FBRSL1: variants seen among roughly 807,000 people sequenced by gnomAD.
FBRSL1 encodes the protein fibrosin like 1.
A neutral mutation model predicts 89.6 loss-of-function variants in FBRSL1; 51 were observed. The observed-to-expected ratio is 0.57, with a 90% CI of 0.45 to 0.72. The LOEUF (loss-of-function observed/expected upper bound fraction) is 0.72, where lower values mean the gene tolerates loss of function less well. FBRSL1 is among the 30% of genes least tolerant of loss of function. FBRSL1 has a pLI of 0.00. For missense variants in FBRSL1, 1,618 were observed against 1,451.8 expected (o/e 1.11, Z -1.86); for synonymous variants, 779 against 681.1 (o/e 1.14, Z -2.24).
chr12:132,522,347 G>C (rs1378432768), intron 2 of FBRSL1, among the ~76,000 whole-genome samples: 3 of 152,146 alleles, frequency 2.0e-5, no homozygotes, highest in African/African-American at 7.2e-5. Flanking sequence ...CCTGGAGCTG[G>C]GGGACGGTGT....
In FBRSL1 at chr12:132,526,018, G is replaced by A. The variant is rs576812457; in HGVS notation, c.579+195G>A. On this transcript the variant is annotated intron_variant, in intron 3 of 18. Transcript: ENST00000680143. Reference sequence around the variant, plus strand: ...TCCAGGAAGCCGCTGGTTAGGGTCCGGTTTCCCACCAAGGCTTTGTCTTAG... The same window carrying A: ...TCCAGGAAGCCGCTGGTTAGGGTCCAGTTTCCCACCAAGGCTTTGTCTTAG... 4.3e-4 allele frequency among the ~76,000 whole-genome samples: 66 copies of A among 152,382 alleles called. No homozygotes were observed. The East Asian group carries it at 5.2e-3, about 12-fold the overall frequency.
Position 132,576,946 on chromosome 12 carries a change from G to A in FBRSL1, c.1834+15G>A, listed in dbSNP as rs1156887088. The A allele has an allele frequency of 1.8e-5, 27 of 1,542,416 alleles. No individual in the cohort carries two copies. Among genetic ancestry groups the A allele is most frequent in the African/African-American group, 5.5e-5 (4 of 72,770 alleles). ...CCCCAGCACAGGTGAGACTGGAGTC[G>A]GGCCAGGTGGGGGGCACAGAAACCT... On this transcript the variant is annotated intron_variant, in intron 15 of 18. Coordinates refer to ENST00000680143, the MANE Select transcript of FBRSL1 (RefSeq NM_001367871.1).
At chr12:132,548,813 C>T (rs2037909136) in intron 5 of FBRSL1, among the ~76,000 whole-genome samples, 1 of 152,204 alleles carries the variant, frequency 6.6e-6, no homozygotes, top group South Asian at 2.1e-4. Flanking sequence ...CCAGATGTGC[C>T]AGGGGAATGG....
At chr12:132,528,031 G>A (rs750112402) in intron 4 of FBRSL1, 43 bp downstream of exon 4, 279 of 1,528,948 alleles carry the variant, frequency 1.8e-4, no homozygotes, top group Admixed American at 1.1e-3. Flanking sequence ...TCCCCCTGGG[G>A]CCTTAGGACC....
intron 5 of FBRSL1, chr12:132,554,352 C>T (rs2038437695): frequency 6.6e-6 from 1 of 152,210 alleles, no homozygotes; most frequent in Non-Finnish European, 1.5e-5. Flanking sequence ...CTGGGGGCGT[C>T]ACTGCAGGGC....
intron 1 of FBRSL1, among the ~76,000 whole-genome samples, chr12:132,503,230 G>C (rs934960896): frequency 1.3e-5 from 2 of 151,230 alleles, no homozygotes; most frequent in African/African-American, 4.9e-5. Flanking sequence ...CCATGCTTTT[G>C]GTGGTCCTGC....
At chr12:132,497,763 G>C (rs11612819) in intron 1 of FBRSL1, among the ~76,000 whole-genome samples, 40,995 of 152,110 alleles carry the variant, frequency 0.27, 5,772 homozygotes, top group Non-Finnish European at 0.3. Flanking sequence ...TTAGTGGCCC[G>C]GGGTCAGGCC....
chr12:132,530,600 TC>T (rs1048703574), intron 4 of FBRSL1, among the ~76,000 whole-genome samples: 2 of 151,812 alleles, frequency 1.3e-5, no homozygotes, highest in African/African-American at 2.4e-5. Flanking sequence ...CACTCATTAT[TC>T]AAGTCTTCTC....
intron 5 of FBRSL1, among the ~76,000 whole-genome samples, chr12:132,557,620 T>G (rs1469661492): frequency 6.6e-6 from 1 of 152,230 alleles, no homozygotes; most frequent in Non-Finnish European, 1.5e-5. Flanking sequence ...GCCTCGTTTG[T>G]GGCAGGAAGA....
chr12:132,576,771 G>T, intron 14 of FBRSL1, 28 bp from the exon 15 acceptor site: 1 of 1,543,640 alleles, frequency 6.5e-7, no homozygotes. Flanking sequence ...CCCCGGGCAG[G>T]CGGCCCTCAC....
At chr12:132,573,746 C>T (rs2040200699) in intron 11 of FBRSL1, among the ~76,000 whole-genome samples, 1 of 152,156 alleles carries the variant, frequency 6.6e-6, no homozygotes, top group South Asian at 2.1e-4. Context: ...CGACCATCTC[C>T]CCTTGGCCCA....
intron 9 of FBRSL1, chr12:132,572,034 GACTGCCTGGGGGGGCCGAGTTCCC>G (rs2040054990): frequency 1.8e-6 from 1 of 556,888 alleles, no homozygotes; most frequent in Admixed American, 3.3e-5. Context: ...CAGGCACACA[GACTGCCTGGGGGGGCCGAGTTCCC>G]ACCCCATGCA....
chr12:132,576,768 C>G, intron 14 of FBRSL1, 31 bp from the exon 15 acceptor site: 1 of 1,542,196 alleles, frequency 6.5e-7, no homozygotes, highest in Admixed American at 2.0e-5. Flanking sequence ...AGTCCCCGGG[C>G]AGGCGGCCCT....
In FBRSL1 at chr12:132,581,835, C is replaced by T. The variant is rs1261462213; in HGVS notation, c.1996+11C>T. On this transcript the variant is annotated intron_variant, in intron 17 of 18. Coordinates refer to ENST00000680143, the MANE Select transcript of FBRSL1 (RefSeq NM_001367871.1). ...GCAGCCATGCACTGGGTGAGTGACCCAGCCTGTGCCCCCCTCCCCCGATGC... is the reference window on the plus strand; with the variant it reads ...GCAGCCATGCACTGGGTGAGTGACCTAGCCTGTGCCCCCCTCCCCCGATGC... 6.5e-7 allele frequency: 1 copy of T among 1,533,412 alleles called. No individual in the cohort carries two copies. 95.0% of individuals were successfully genotyped at this position (1,533,412 alleles called of 1,614,324 possible). A position where few individuals can be genotyped will look rare whatever the true frequency, so the allele number is the denominator to read the frequency against.
chr12:132,571,093 C>T lies in FBRSL1; in HGVS notation c.1239C>T (p.Ser413=). The T allele has an allele frequency of 7.4e-7, 1 of 1,356,762 alleles. No individual in the cohort carries two copies. Among genetic ancestry groups the T allele is most frequent in the African/African-American group, 1.5e-5 (1 of 67,552 alleles). The allele number at this position is 1,356,762 out of a possible 1,614,324, so 84.0% of individuals were successfully genotyped here. A position where few individuals can be genotyped will look rare whatever the true frequency, so the allele number is the denominator to read the frequency against. Residue 413 remains serine (S), a synonymous_variant, in exon 9 of 19, where the codon AGC becomes AGT. Transcript: ENST00000680143. ...ATGCCAGCCTGGCGGTCTCATTCAG[C>T]CAGCCAATCATGTATTGCCAGCCTC... The part of the protein sequence containing the change: ...PADASLAVSF[S]QPIMYCQPHS...
intron 5 of FBRSL1, among the ~76,000 whole-genome samples, chr12:132,562,462 C>CAACCT (rs1219658315): frequency 8.4e-6 from 1 of 119,260 alleles, no homozygotes; most frequent in Non-Finnish European, 1.8e-5. Context: ...TGAGCAGAAA[C>CAACCT]AACCTCCTCA....
intron 5 of FBRSL1, chr12:132,551,374 C>G: frequency 2.2e-6 from 1 of 454,092 alleles, no homozygotes; most frequent in Non-Finnish European, 4.4e-6. Flanking sequence ...AGACAGCGTC[C>G]TGCGTGGGGT....
intron 5 of FBRSL1, among the ~76,000 whole-genome samples, chr12:132,561,687 G>A (rs1291161124): frequency 5.9e-5 from 9 of 152,150 alleles, no homozygotes; most frequent in South Asian, 4.1e-4. Flanking sequence ...GCCACCTGGC[G>A]AAGAGGCCAC....
At chr12:132,545,350 G>A (rs2037604436) in intron 4 of FBRSL1, among the ~76,000 whole-genome samples, 1 of 152,202 alleles carries the variant, frequency 6.6e-6, no homozygotes, top group Non-Finnish European at 1.5e-5. Flanking sequence ...TCCTCGCCCT[G>A]ATTAATTGCC....
Sources: gnomAD v4.1 joint callset for allele counts (sites outside exome capture counted in the v4.1 genomes callset) on GRCh38, gnomAD v4.1.1 for gene constraint, MANE v1.5 for transcripts, NCBI Gene and HGNC (gene_info 2026-07-23, HGNC 2026-07-21) for gene names.